Variants in FYCO1 observed in about 807,000 individuals in gnomAD.
FYCO1 encodes FYVE and coiled-coil domain autophagy adaptor 1, also known as FYVE and coiled-coil domain-containing protein 1.
FYCO1 carries 122 observed loss-of-function variants against 165.1 expected under a neutral mutation model. The observed-to-expected ratio is 0.74, with a 90% CI of 0.64 to 0.86. The LOEUF is 0.86. Ranked by LOEUF, FYCO1 falls within the 40% of genes least tolerant of loss-of-function variation. The pLI, the probability that FYCO1 is intolerant of heterozygous loss-of-function variation, is 0.00. For synonymous variants in FYCO1, 648 were observed against 742.5 expected, an observed-to-expected ratio of 0.87 and a Z score of 2.07; for missense variants, 1,702 against 1,810.3, an observed-to-expected ratio of 0.94 and a Z score of 1.09.
At chr3:45,946,364 A>G in intron 14 of FYCO1, 1 of 843,598 alleles carries the variant, frequency 1.2e-6, no homozygotes, top group Non-Finnish European at 1.9e-6. Flanking sequence ...GGTTTAGAAG[A>G]TGACTATTTG....
intron 14 of FYCO1, 77 bp from the exon 15 acceptor site, chr3:45,936,620 G>A: frequency 9.7e-7 from 1 of 1,027,414 alleles, no homozygotes; most frequent in South Asian, 1.3e-5. Context: ...CCGCAGTCTT[G>A]GAGTCACAGG....
chr3:45,935,354 G>A (rs1273609363), intron 15 of FYCO1, among the ~76,000 whole-genome samples: 1 of 152,104 alleles, frequency 6.6e-6, no homozygotes, highest in East Asian at 1.9e-4. Context: ...ACCTCATTTT[G>A]GGGGTCCCAT....
chr3:45,939,593 G>A (rs1184167945), intron 14 of FYCO1, among the ~76,000 whole-genome samples: 1 of 152,192 alleles, frequency 6.6e-6, no homozygotes, highest in Admixed American at 6.5e-5. Context: ...GGGAGGAACA[G>A]ATGCCTGGAA....
At chr3:45,928,711 C>T (rs913864340) in intron 16 of FYCO1, among the ~76,000 whole-genome samples, 12 of 152,150 alleles carry the variant, frequency 7.9e-5, no homozygotes, top group African/African-American at 2.9e-4. Context: ...GCCCAGGGGT[C>T]TCCTTTCCTC....
At chr3:45,982,662 C>T (rs1707116356) in intron 2 of FYCO1, among the ~76,000 whole-genome samples, 2 of 152,210 alleles carry the variant, frequency 1.3e-5, no homozygotes, top group South Asian at 4.1e-4. Context: ...AAACTATCTG[C>T]TTCTCTGGCA....
intron 14 of FYCO1, chr3:45,943,345 G>A (rs1704358541): frequency 6.6e-6 from 1 of 152,156 alleles, no homozygotes; most frequent in South Asian, 2.1e-4. Context: ...TCTGACCCAC[G>A]CGTTACACAG....
At chr3:45,922,919 A>G (rs1703153981) in intron 17 of FYCO1, among the ~76,000 whole-genome samples, 2 of 152,198 alleles carry the variant, frequency 1.3e-5, no homozygotes. Flanking sequence ...GTTCCAGTTA[A>G]GGGGTCTGTG....
chr3:45,966,774 C>T lies in FYCO1; in HGVS notation c.2560G>A (p.Ala854Thr), dbSNP rs748032750. 1.9e-6 allele frequency: 3 copies of T among 1,609,996 alleles called. 1 individual carries two copies. Among genetic ancestry groups the T allele is most frequent in the Non-Finnish European group, 2.5e-6 (3 of 1,179,994 alleles). Residue 854 changes from alanine to threonine, a missense_variant, in exon 8 of 18, where the codon GCA becomes ACA. Physicochemically the swap from Ala to Thr is moderately conservative, Grantham distance 58. Coordinates refer to ENST00000296137, the MANE Select transcript of FYCO1 (RefSeq NM_024513.4). ...ELLQCSEREG[A>T]LQEERADEAQ... ...TCATCGGCCCTCTCCTCCTGCAGTGCCCCTTCACGCTCCGAGCATTGCAGC... is the reference window on the plus strand; with the variant it reads ...TCATCGGCCCTCTCCTCCTGCAGTGTCCCTTCACGCTCCGAGCATTGCAGC...
intron 14 of FYCO1, among the ~76,000 whole-genome samples, chr3:45,939,457 T>C (rs529899365): frequency 6.6e-6 from 1 of 152,280 alleles, no homozygotes. Flanking sequence ...TGTCTACAAA[T>C]GGGAGTCTAT....
intron 14 of FYCO1, chr3:45,938,172 T>A (rs767570519): frequency 1.3e-4 from 166 of 1,275,414 alleles, no homozygotes; most frequent in Middle Eastern, 4.3e-4. Flanking sequence ...CTGACCACAG[T>A]GATGACAGAC....
Position 45,964,606 on chromosome 3 carries a change from C to T in FYCO1, c.3151-152G>A. 1 of 1,484,064 alleles carries T rather than the reference C, an allele frequency of 6.7e-7. No homozygotes were observed. The highest frequency in any genetic ancestry group is 9.1e-7 in the Non-Finnish European group (1 of 1,103,216). 91.9% of individuals were successfully genotyped at this position (1,484,064 alleles called of 1,614,324 possible). A position where few individuals can be genotyped will look rare whatever the true frequency, so the allele number is the denominator to read the frequency against. ...AAGTTCAAGAGGCCATGAACCTCTG[C>T]TCTATATTTGTGGGGCCTCAACTGC... On this transcript the variant is annotated intron_variant, in intron 9 of 17. Transcript: ENST00000296137. The surrounding 1 kb of genome is among the most constrained non-coding windows in gnomAD (Gnocchi z 4.1).
At chr3:45,981,389 C>T (rs967849833) in intron 3 of FYCO1, among the ~76,000 whole-genome samples, 181 bp downstream of exon 3, 3 of 152,196 alleles carry the variant, frequency 2.0e-5, no homozygotes, top group Non-Finnish European at 4.4e-5. Context: ...ATTGCAATTC[C>T]CCAAAGGATC....
rs1706852132 is a variant in FYCO1, at chr3:45,977,896, C to T, written c.288+1809G>A. Among the ~76,000 whole-genome samples the T allele has an allele frequency of 2.0e-5, 3 of 152,140 alleles. 1 individual carries two copies. The highest frequency in any genetic ancestry group is 4.4e-5 in the Non-Finnish European group (3 of 68,028). ...TTGATTATTAAAATTAACCAAGTAACCAGCAACTCACTTAGCCTAGGGATG... is the reference window on the plus strand; with the variant it reads ...TTGATTATTAAAATTAACCAAGTAATCAGCAACTCACTTAGCCTAGGGATG... On this transcript the variant is annotated intron_variant, in intron 4 of 17. Coordinates refer to ENST00000296137, the MANE Select transcript of FYCO1 (RefSeq NM_024513.4).
intron 11 of FYCO1, among the ~76,000 whole-genome samples, chr3:45,961,334 C>T (rs1705687070): frequency 6.6e-6 from 1 of 152,150 alleles, no homozygotes; most frequent in South Asian, 2.1e-4. Context: ...ACTCCCAGGA[C>T]TTGGGAGGCT....
chr3:45,982,655 C>T (rs1490634792), intron 2 of FYCO1, among the ~76,000 whole-genome samples: 1 of 152,182 alleles, frequency 6.6e-6, no homozygotes, highest in Non-Finnish European at 1.5e-5. Context: ...CTTCACAAAA[C>T]TATCTGCTTC....
chr3:45,970,758 C>T (rs1370006201), intron 6 of FYCO1, among the ~76,000 whole-genome samples: 2 of 152,102 alleles, frequency 1.3e-5, no homozygotes, highest in African/African-American at 4.8e-5. Flanking sequence ...TCTACACTTA[C>T]AGAACTCCAT....
Position 45,964,477 on chromosome 3 carries a change from A to T in FYCO1, c.3151-23T>A, listed in dbSNP as rs1705879900. On this transcript the variant is annotated intron_variant, in intron 9 of 17. Coordinates refer to ENST00000296137, the MANE Select transcript of FYCO1 (RefSeq NM_024513.4). This position sits in a 1 kb window ranked among gnomAD's most constrained non-coding sequence, Gnocchi z 4.1. Reference sequence around the variant, plus strand: ...GGCCTGGCACAGGACGTCAGGGAGAAGACACTCAGCTTGCAGAAGGCCATG... The same window carrying T: ...GGCCTGGCACAGGACGTCAGGGAGATGACACTCAGCTTGCAGAAGGCCATG... 1 of 1,613,438 alleles carries T rather than the reference A, an allele frequency of 6.2e-7. No homozygotes were observed. The highest frequency in any genetic ancestry group is 1.3e-5 in the African/African-American group (1 of 75,030).
intron 1 of FYCO1, among the ~76,000 whole-genome samples, chr3:45,985,327 A>G (rs1707257233): frequency 6.6e-6 from 1 of 152,150 alleles, no homozygotes; most frequent in Non-Finnish European, 1.5e-5. Context: ...CTTTCCTTTA[A>G]AAAGCCACCT....
chr3:45,966,516 C>A lies in FYCO1; in HGVS notation c.2818G>T (p.Ala940Ser). 2.5e-6 allele frequency: 4 copies of A among 1,613,098 alleles called. No homozygotes were observed. The highest frequency in any genetic ancestry group is 2.5e-6 in the Non-Finnish European group (3 of 1,179,118). ...VQELQDAKEA[A>S]SREREGLERQ... ...TCCAGGCCCTCTCGCTCCCTTGAGG[C>A]TGCCTCTTTGGCGTCCTGGAGCTCC... Residue 940 changes from alanine (A) to serine (S), a missense_variant, in exon 8 of 18, where the codon GCC (alanine) becomes TCC (serine). Coordinates refer to ENST00000296137, the MANE Select transcript of FYCO1 (RefSeq NM_024513.4).
Sources: gnomAD v4.1 joint callset for allele counts (sites outside exome capture counted in the v4.1 genomes callset) on GRCh38, gnomAD v4.1.1 for gene constraint, Gnocchi (gnomAD v3.1) non-coding constraint, MANE v1.5 for transcripts, NCBI Gene and HGNC (gene_info 2026-07-23, HGNC 2026-07-21) for gene names.